CLDN14: variants seen among roughly 807,000 people sequenced by gnomAD.
The protein encoded by CLDN14 is claudin 14.
Under a neutral mutation model 2.1 loss-of-function variants are expected in CLDN14, and 2 were observed. The ratio of observed to expected loss-of-function variants is 0.96; its 90% CI spans 0.39 to 3.01. The LOEUF (loss-of-function observed/expected upper bound fraction) is 3.01, where lower values mean the gene tolerates loss of function less well. CLDN14 is among the 30% of genes most tolerant of loss of function. The probability of loss-of-function intolerance (pLI) is 0.09; values close to 1 mark genes in which losing one functional copy is unlikely to be tolerated. For missense variants in CLDN14, 298 were observed against 328.0 expected (o/e 0.91, Z 0.71); for synonymous variants, 136 against 154.4 (o/e 0.88, Z 0.88).
intron 1 of CLDN14, among the ~76,000 whole-genome samples, chr21:36,521,066 C>T (rs1467792622): frequency 6.6e-6 from 1 of 150,856 alleles, no homozygotes; most frequent in East Asian, 1.9e-4. Context: ...GAAAAGCTGT[C>T]GTTTCAGAAA....
intron 2 of CLDN14, chr21:36,486,400 G>T: frequency 8.9e-7 from 1 of 1,119,900 alleles, no homozygotes; most frequent in Non-Finnish European, 1.4e-6. Context: ...GCTCGTCTGG[G>T]CTCCTCATCC....
chr21:36,486,236 A>G (rs1601604786), intron 2 of CLDN14: 2 of 864,296 alleles, frequency 2.3e-6, no homozygotes, highest in South Asian at 2.6e-5. Flanking sequence ...TCCTGCAGGG[A>G]CATCTTCATG....
chr21:36,461,942 A>C (rs1234440899), intron 1 of CLDN14, among the ~76,000 whole-genome samples, 166 bp from the exon 2 acceptor site: 2 of 152,186 alleles, frequency 1.3e-5, no homozygotes, highest in Non-Finnish European at 2.9e-5. Context: ...TGGGAGAGTA[A>C]CTGCTTTCCT....
At chr21:36,542,136 T>A (rs888302849) in intron 1 of CLDN14, among the ~76,000 whole-genome samples, 14 of 152,188 alleles carry the variant, frequency 9.2e-5, no homozygotes, top group African/African-American at 3.4e-4. Context: ...GGCTAATTTT[T>A]GTATTTTTAG....
intron 1 of CLDN14, among the ~76,000 whole-genome samples, chr21:36,513,770 T>G (rs1201548715): frequency 2.6e-5 from 4 of 152,180 alleles, no homozygotes; most frequent in Non-Finnish European, 5.9e-5. Context: ...GGTAGGGAGA[T>G]ATATTTAATA....
chr21:36,491,369 CAAG>C (rs773971039), intron 2 of CLDN14, among the ~76,000 whole-genome samples: 2 of 152,160 alleles, frequency 1.3e-5, no homozygotes, highest in Admixed American at 1.3e-4. Context: ...TACCAGAAAA[CAAG>C]AAGCAACACA....
chr21:36,550,759 G>A (rs2087558097), intron 1 of CLDN14, among the ~76,000 whole-genome samples: 1 of 152,152 alleles, frequency 6.6e-6, no homozygotes, highest in Non-Finnish European at 1.5e-5. Flanking sequence ...TCTGCTCACT[G>A]TCTAATGCCG....
At chr21:36,519,215 A>G (rs1225889217) in intron 1 of CLDN14, among the ~76,000 whole-genome samples, 2 of 152,266 alleles carry the variant, frequency 1.3e-5, no homozygotes, top group Non-Finnish European at 2.9e-5. Flanking sequence ...CTGCATTATT[A>G]CGCTCTCATT....
In CLDN14 at chr21:36,551,179, C is replaced by G. The variant is rs2087561781; in HGVS notation, c.-220+25232G>C. Among the ~76,000 whole-genome samples the G allele has an allele frequency of 6.6e-6, 1 of 152,212 alleles. No homozygotes were observed. Among genetic ancestry groups the G allele is most frequent in the Non-Finnish European group, 1.5e-5 (1 of 68,052 alleles). ...AATTTCGGACTTCCTGTTCCCAGAC[C>G]TGTGAGACAATAAATCTCTTGTACT... On this transcript the variant is annotated intron_variant, in intron 1 of 2. Transcript: ENST00000342108. The surrounding 1 kb of genome is among the most constrained non-coding windows in gnomAD (Gnocchi z 4.8).
At position 36,489,131 on chromosome 21, in the gene CLDN14, A is replaced by AATATATAT. The variant is rs1555847001; in HGVS notation, c.-82+21224_-82+21231dup. Among the ~76,000 whole-genome samples, 116 of 62,728 alleles carry AATATATAT rather than the reference A, an allele frequency of 1.8e-3. 1 individual carries two copies. The highest frequency in any genetic ancestry group is 7.2e-3 in the South Asian group (12 of 1,656). The allele number at this position is 62,728 out of a possible 152,430, so 41.2% of individuals were successfully genotyped here. Reference sequence around the variant, plus strand: ...TCTGTCTCAAAGAAAAAAAAAAAAAAATATATATATATATATATATATATA... The same window carrying AATATATAT: ...TCTGTCTCAAAGAAAAAAAAAAAAAAATATATATATATATATATATATATATATATATA... On this transcript the variant is annotated intron_variant, in intron 2 of 2. Transcript: ENST00000342108.
chr21:36,508,357 AG>A (rs1419394521), intron 2 of CLDN14, among the ~76,000 whole-genome samples: 1 of 152,226 alleles, frequency 6.6e-6, no homozygotes, highest in African/African-American at 2.4e-5. Context: ...GAAATGATGA[AG>A]GAAGCAGAGG....
intron 1 of CLDN14, among the ~76,000 whole-genome samples, chr21:36,554,442 C>G (rs9984547): frequency 0.14 from 21,088 of 152,218 alleles, 1,703 homozygotes; most frequent in Non-Finnish European, 0.19. Flanking sequence ...GAGGCAGGTG[C>G]GTAACAGCCA....
chr21:36,464,057 C>T (rs2086614103), intron 1 of CLDN14, among the ~76,000 whole-genome samples: 2 of 152,118 alleles, frequency 1.3e-5, no homozygotes, highest in Admixed American at 6.5e-5. Context: ...GGAGGAAGGG[C>T]CTGGTGGGAA....
intron 2 of CLDN14, among the ~76,000 whole-genome samples, chr21:36,489,131 A>AATAT (rs1555847001): frequency 0.025 from 1,561 of 62,668 alleles, 48 homozygotes; most frequent in Non-Finnish European, 0.033. Context: ...AAAAAAAAAA[A>AATAT]ATATATATAT....
intron 2 of CLDN14, among the ~76,000 whole-genome samples, chr21:36,489,958 T>A (rs1256974226): frequency 2.0e-5 from 3 of 152,204 alleles, no homozygotes; most frequent in Non-Finnish European, 4.4e-5. Flanking sequence ...AGCCGTTGAA[T>A]GAACAGGTGT....
intron 1 of CLDN14, among the ~76,000 whole-genome samples, chr21:36,545,931 T>C (rs2087523406): frequency 6.6e-6 from 1 of 152,200 alleles, no homozygotes; most frequent in African/African-American, 2.4e-5. Flanking sequence ...ACCAAGGTCC[T>C]GCAAGAGCCC....
At chr21:36,540,621 A>C (rs867295268) in intron 1 of CLDN14, among the ~76,000 whole-genome samples, 2 of 151,970 alleles carry the variant, frequency 1.3e-5, no homozygotes, top group Admixed American at 6.5e-5. Context: ...CTCTTTGAGA[A>C]AGTGGCTGTA....
At chr21:36,474,581 T>C (rs1273005564) in intron 1 of CLDN14, among the ~76,000 whole-genome samples, 2 of 152,134 alleles carry the variant, frequency 1.3e-5, no homozygotes, top group East Asian at 1.9e-4. Context: ...CTTCGCCAGA[T>C]TGCCAAAGGA....
intron 1 of CLDN14, among the ~76,000 whole-genome samples, chr21:36,569,025 G>A (rs1192745899): frequency 6.6e-6 from 1 of 152,236 alleles, no homozygotes; most frequent in Non-Finnish European, 1.5e-5. Context: ...ATTTCCACCA[G>A]TAAACTACAA....
Sources: allele counts gnomAD v4.1 joint callset (sites outside exome capture counted in the v4.1 genomes callset), GRCh38; gene constraint gnomAD v4.1.1; non-coding constraint Gnocchi (gnomAD v3.1); transcripts MANE v1.5; gene names NCBI Gene and HGNC (gene_info 2026-07-23, HGNC 2026-07-21).